The following ADGB variants were observed in gnomAD, a reference collection of about 807,000 sequenced individuals.
ADGB encodes androglobin, also known as calpain-7-like protein.
ADGB carries 172 observed loss-of-function variants against 210.5 expected under a neutral mutation model. The observed-to-expected ratio is 0.82, with a 90% CI of 0.72 to 0.93. The LOEUF is 0.93. Ranked by LOEUF, ADGB falls within the 40% of genes least tolerant of loss-of-function variation. The probability of loss-of-function intolerance (pLI) is 0.00; values close to 1 mark genes in which losing one functional copy is unlikely to be tolerated. For missense variants in ADGB, 2,025 were observed against 1,964.8 expected (o/e 1.03, Z -0.58); for synonymous variants, 658 against 662.7 (o/e 0.99, Z 0.11).
chr6:146,671,012 A>C (rs1776000095), intron 7 of ADGB, among the ~76,000 whole-genome samples: 1 of 152,304 alleles, frequency 6.6e-6, no homozygotes, highest in East Asian at 1.9e-4. Context: ...TCAAGGAAAT[A>C]GAAGAAAGCA....
At chr6:146,784,931 ATAAC>A (rs1318296001) in intron 31 of ADGB, 137 bp downstream of exon 31, 2 of 870,778 alleles carry the variant, frequency 2.3e-6, no homozygotes, top group African/African-American at 3.4e-5. Context: ...CAGGCATTGA[ATAAC>A]TACGTTAGGA....
intron 25 of ADGB, among the ~76,000 whole-genome samples, chr6:146,742,947 C>T (rs889479203): frequency 9.9e-5 from 15 of 152,056 alleles, no homozygotes; most frequent in Non-Finnish European, 1.8e-4. Flanking sequence ...TGGCCCAAGA[C>T]AATTCTTCCA....
chr6:146,768,944 C>T (rs1455923205), intron 28 of ADGB, 76 bp from the exon 29 acceptor site: 1 of 715,802 alleles, frequency 1.4e-6, no homozygotes, highest in African/African-American at 1.7e-5. Flanking sequence ...TTATCATGTA[C>T]CTAGCATAAT....
intron 27 of ADGB, among the ~76,000 whole-genome samples, chr6:146,762,577 T>G (rs986853649): frequency 6.6e-5 from 10 of 152,152 alleles, no homozygotes; most frequent in Non-Finnish European, 1.5e-4. Flanking sequence ...TCAAATTGAT[T>G]GTGTGCTGTA....
At chr6:146,626,103 G>A (rs1398791735) in intron 1 of ADGB, among the ~76,000 whole-genome samples, 8 of 151,492 alleles carry the variant, frequency 5.3e-5, no homozygotes, top group Non-Finnish European at 1.0e-4. Context: ...GGGTATTTCT[G>A]TACAGTTTAT....
intron 13 of ADGB, among the ~76,000 whole-genome samples, 192 bp from the exon 14 acceptor site, chr6:146,715,190 T>C (rs1250103955): frequency 6.6e-6 from 1 of 152,240 alleles, no homozygotes; most frequent in Non-Finnish European, 1.5e-5. Flanking sequence ...ACTCAGTCAA[T>C]TGTTTAATTC....
chr6:146,698,618 C>T (rs1776443213), intron 12 of ADGB, among the ~76,000 whole-genome samples: 1 of 152,134 alleles, frequency 6.6e-6, no homozygotes, highest in South Asian at 2.1e-4. Context: ...CAAATATTGG[C>T]AGTTGGCAAT....
chr6:146,784,358 T>G (rs549066273), intron 30 of ADGB, among the ~76,000 whole-genome samples: 2 of 152,302 alleles, frequency 1.3e-5, no homozygotes, highest in Admixed American at 6.5e-5. Context: ...TTATTACTTT[T>G]TAATATTAAG....
intron 5 of ADGB, among the ~76,000 whole-genome samples, chr6:146,661,213 T>C (rs1314119345): frequency 1.5e-4 from 17 of 112,112 alleles, no homozygotes; most frequent in African/African-American, 5.6e-4. Context: ...CTTTTTTTTC[T>C]TTTTTTCTTT....
intron 33 of ADGB, among the ~76,000 whole-genome samples, chr6:146,790,760 C>T (rs1777944004): frequency 2.0e-5 from 3 of 152,318 alleles, no homozygotes; most frequent in African/African-American, 7.2e-5. Context: ...CTTGAATAAC[C>T]TCCATACTGG....
chr6:146,687,989 AG>A (rs1776255476), intron 10 of ADGB, among the ~76,000 whole-genome samples: 1 of 152,164 alleles, frequency 6.6e-6, no homozygotes, highest in South Asian at 2.1e-4. Flanking sequence ...TAAAAAACTA[AG>A]ACTAAAGACT....
intron 1 of ADGB, among the ~76,000 whole-genome samples, chr6:146,605,849 T>C (rs938365013): frequency 2.0e-5 from 3 of 152,212 alleles, no homozygotes; most frequent in Non-Finnish European, 4.4e-5. Flanking sequence ...GTTGATTCTA[T>C]GCCTTTGCTA....
At chr6:146,646,335 G>C (rs1775610541) in intron 3 of ADGB, among the ~76,000 whole-genome samples, 1 of 152,056 alleles carries the variant, frequency 6.6e-6, no homozygotes, top group Non-Finnish European at 1.5e-5. Context: ...CTATAGCCAA[G>C]GGACTTAGAG....
rs576792891 is a variant in ADGB, at chr6:146,605,619, C to A, written c.74+6505C>A. Among the ~76,000 whole-genome samples the A allele has an allele frequency of 2.8e-4, 42 of 152,184 alleles. No individual in the cohort carries two copies. The East Asian group carries it at 5.8e-3, about 21-fold the overall frequency. The stretch of plus-strand genomic sequence containing the variant: ...AAACCATAAACTCCCTGACTCAGAA[C>A]CAGACAGAAACTAGGACAGCCCAGA... On this transcript the variant is annotated intron_variant, in intron 1 of 35. Transcript: ENST00000397944.
At chr6:146,600,395 C>A in intron 1 of ADGB, 1 of 235,376 alleles carries the variant, frequency 4.2e-6, no homozygotes, top group Non-Finnish European at 9.1e-6. Context: ...TTACCTTCCA[C>A]TAGCCTTCTC....
intron 22 of ADGB, among the ~76,000 whole-genome samples, 193 bp from the exon 23 acceptor site, chr6:146,736,305 G>A (rs1013766342): frequency 1.3e-5 from 2 of 152,078 alleles, no homozygotes; most frequent in East Asian, 3.9e-4. Flanking sequence ...AGCATAACAC[G>A]GTGAGCAGAG....
rs1347846054 is a variant in ADGB at position 146,764,084 on chromosome 6, C to A, written c.3734C>A (p.Ser1245Tyr). Residue 1245 changes from serine (S) to tyrosine (Y), a missense_variant, in exon 28 of 36, where the codon TCC becomes TAC. Coordinates refer to ENST00000397944, the MANE Select transcript of ADGB (RefSeq NM_024694.4). The part of the protein sequence containing the change: ...TTSTPTREDS[S>Y]STPLQNYKYI... Reference sequence around the variant, plus strand: ...AGTACACCCACTAGAGAAGACAGTTCCAGCACACCACTGCAGGTATATTAA... The same window carrying A: ...AGTACACCCACTAGAGAAGACAGTTACAGCACACCACTGCAGGTATATTAA... The A allele has an allele frequency of 6.5e-7, 1 of 1,547,452 alleles. No homozygotes were observed.
intron 10 of ADGB, among the ~76,000 whole-genome samples, chr6:146,690,915 A>G (rs138834084): frequency 6.6e-6 from 1 of 152,156 alleles, no homozygotes; most frequent in Admixed American, 6.6e-5. Context: ...TTTGTAAATA[A>G]AGAAACAGGG....
intron 3 of ADGB, among the ~76,000 whole-genome samples, chr6:146,650,433 T>A: frequency 6.6e-6 from 1 of 151,856 alleles, no homozygotes; most frequent in Non-Finnish European, 1.5e-5. Flanking sequence ...ATTTGAGCTC[T>A]GACTTTTTTT....
Sources: allele counts gnomAD v4.1 joint callset (sites outside exome capture counted in the v4.1 genomes callset), GRCh38; gene constraint gnomAD v4.1.1; transcripts MANE v1.5; gene names NCBI Gene and HGNC (gene_info 2026-07-23, HGNC 2026-07-21).